The following F10 variants were observed in gnomAD, a reference collection of about 807,000 sequenced individuals.
F10 encodes Stuart-Prower factor.
F10 carries 29 observed loss-of-function variants against 37.1 expected under a neutral mutation model. The observed-to-expected ratio is 0.78, with a 90% confidence interval of 0.58 to 1.07. The LOEUF (loss-of-function observed/expected upper bound fraction) is 1.07, where lower values mean the gene tolerates loss of function less well. F10 is among the 50% of genes least tolerant of loss of function. F10 has a pLI of 0.00. For missense variants in F10, 539 were observed against 667.9 expected, an observed-to-expected ratio of 0.81 and a Z score of 2.13; for synonymous variants, 262 against 268.6, an observed-to-expected ratio of 0.98 and a Z score of 0.24.
At chr13:113,137,270 A>G (rs1181487481) in intron 2 of F10, among the ~76,000 whole-genome samples, 1 of 152,178 alleles carries the variant, frequency 6.6e-6, no homozygotes, top group Non-Finnish European at 1.5e-5. Context: ...AAACACTTTC[A>G]TTTACATGAC....
Position 113,139,433 on chromosome 13 carries a change from C to A in F10, c.333C>A (p.Thr111=), listed in dbSNP as rs1247035945. The change falls in exon 4 of 8, where the codon ACC becomes ACA. Residue 111 remains threonine, a synonymous_variant. Coordinates refer to ENST00000375559, the MANE Select transcript of F10 (RefSeq NM_000504.4). This position sits in a 1 kb window ranked among gnomAD's most constrained non-coding sequence, Gnocchi z 5.2. ...ACGGCCTCGGGGAATACACCTGCAC[C>A]TGTTTAGAAGGATTCGAAGGCAAAA... ...CKDGLGEYTC[T]CLEGFEGKNC... 2 of 1,613,940 alleles carry A rather than the reference C, an allele frequency of 1.2e-6. No individual in the cohort carries two copies. Among genetic ancestry groups the A allele is most frequent in the Middle Eastern group, 1.7e-4 (1 of 6,058 alleles).
At position 113,149,030 on chromosome 13, in the gene F10, G is replaced by A. The variant is rs773609385; in HGVS notation, c.980G>A (p.Arg327Gln). 1.7e-5 allele frequency: 27 copies of A among 1,613,300 alleles called. No individual in the cohort carries two copies. Among genetic ancestry groups the A allele is most frequent in the Admixed American group, 1.7e-4 (10 of 59,984 alleles). Residue 327 changes from arginine to glutamine, a missense_variant, in exon 8 of 8, where the codon CGG becomes CAG. Around this residue, in one of 2 missense-constraint regions of F10, gnomAD observed 409 missense variants for 547.9 expected, o/e 0.75. Transcript: ENST00000375559. This position sits in a 1 kb window ranked among gnomAD's most constrained non-coding sequence, Gnocchi z 7.5. ...ETYDFDIAVL[R>Q]LKTPITFRMN... is the part of the protein sequence containing the mutation. ...TATGACTTCGACATCGCCGTGCTCC[G>A]GCTCAAGACCCCCATCACCTTCCGC...
At chr13:113,145,455 A>C (rs1487099110) in intron 6 of F10, among the ~76,000 whole-genome samples, 4 of 151,906 alleles carry the variant, frequency 2.6e-5, no homozygotes, top group Non-Finnish European at 5.9e-5. Context: ...TTTCAATTAA[A>C]TTTCAATTTC....
intron 2 of F10, among the ~76,000 whole-genome samples, chr13:113,137,299 T>A (rs1158717960): frequency 6.6e-6 from 1 of 152,092 alleles, no homozygotes; most frequent in Non-Finnish European, 1.5e-5. Flanking sequence ...TAGGTTGTTA[T>A]CATTGTGATA....
intron 1 of F10, 42 bp from the exon 2 acceptor site, chr13:113,129,410 A>AAGAGGAGCCT (rs2036404243): frequency 1.2e-6 from 2 of 1,612,150 alleles, no homozygotes; most frequent in Non-Finnish European, 1.7e-6. Context: ...AGCCTGGGTG[A>AAGAGGAGCCT]GGGTGACCAG....
chr13:113,149,219 G>A lies in F10; in HGVS notation c.1169G>A (p.Cys390Tyr). Reference protein sequence around the residue: ...LEVPYVDRNSCKLSSSFIITQ... With the variant: ...LEVPYVDRNSYKLSSSFIITQ... ...GTGCCCTACGTGGACCGCAACAGCT[G>A]CAAGCTGTCCAGCAGCTTCATCATC... The change falls in exon 8 of 8, where the codon TGC (cysteine) becomes TAC (tyrosine). Residue 390 changes from cysteine (C) to tyrosine (Y), a missense_variant. Transcript: ENST00000375559. This position sits in a 1 kb window ranked among gnomAD's most constrained non-coding sequence, Gnocchi z 7.5. 2 of 1,613,130 alleles carry A rather than the reference G, an allele frequency of 1.2e-6. No homozygotes were observed. The highest frequency in any genetic ancestry group is 1.7e-6 in the Non-Finnish European group (2 of 1,180,032).
At chr13:113,148,030 T>G (rs9604032) in intron 7 of F10, among the ~76,000 whole-genome samples, 3,788 of 152,256 alleles carry the variant, frequency 0.025, 144 homozygotes, top group African/African-American at 0.086. Flanking sequence ...ATTATACATT[T>G]TAAAATATAA....
At position 113,143,040 on chromosome 13, in the gene F10, C is replaced by A. The variant is rs892855177; in HGVS notation, c.503-811C>A. 3.9e-5 allele frequency among the ~76,000 whole-genome samples: 6 copies of A among 152,156 alleles called. No homozygotes were observed. Among genetic ancestry groups the A allele is most frequent in the African/African-American group, 1.4e-4 (6 of 41,458 alleles). On this transcript the variant is annotated intron_variant, in intron 5 of 7. Coordinates refer to ENST00000375559, the MANE Select transcript of F10 (RefSeq NM_000504.4). The surrounding 1 kb of genome is among the most constrained non-coding windows in gnomAD (Gnocchi z 6.8). The stretch of plus-strand genomic sequence containing the variant: ...AGGCACGGCGGGGTGGAGGCCCCTG[C>A]GGCTGGCAGATTCACCGGAGCCTCC...
At chr13:113,135,684 T>C (rs1034280559) in intron 2 of F10, among the ~76,000 whole-genome samples, 1 of 152,218 alleles carries the variant, frequency 6.6e-6, no homozygotes. Flanking sequence ...TTGGAACAAT[T>C]ATATATTTAT....
chr13:113,140,594 T>C (rs2138543110), intron 4 of F10: 1 of 554,646 alleles, frequency 1.8e-6, no homozygotes, highest in Non-Finnish European at 3.5e-6. Flanking sequence ...CTGTGATTAC[T>C]TTTTCATCAA....
In F10 at chr13:113,141,032, A is replaced by G. The variant is rs1269919778; in HGVS notation, c.484A>G (p.Lys162Glu). 1.2e-6 allele frequency: 2 copies of G among 1,613,822 alleles called. No homozygotes were observed. The highest frequency in any genetic ancestry group is 1.7e-5 in the Admixed American group (1 of 60,016). Residue 162 changes from lysine to glutamate, a missense_variant, in exon 5 of 8, where the codon AAG (lysine) becomes GAG (glutamate). Transcript: ENST00000375559. This position sits in a 1 kb window ranked among gnomAD's most constrained non-coding sequence, Gnocchi z 5.4. ...ARGYTLADNG[K>E]ACIPTGPYPC... ...CGGGTACACCCTGGCTGACAACGGC[A>G]AGGCCTGCATTCCCACAGGTAGGAG...
At position 113,141,618 on chromosome 13, in the gene F10, G is replaced by C. The variant is rs1425288313; in HGVS notation, c.502+568G>C. Among the ~76,000 whole-genome samples the C allele has an allele frequency of 1.3e-5, 2 of 152,202 alleles. No individual in the cohort carries two copies. Among genetic ancestry groups the C allele is most frequent in the Non-Finnish European group, 2.9e-5 (2 of 68,026 alleles). Reference sequence around the variant, plus strand: ...GAGGGCAGTGAGCACAGGACAGGCAGGGGACTGGGCAGGGTGGGGACGAGC... The same window carrying C: ...GAGGGCAGTGAGCACAGGACAGGCACGGGACTGGGCAGGGTGGGGACGAGC... On this transcript the variant is annotated intron_variant, in intron 5 of 7. Coordinates refer to ENST00000375559, the MANE Select transcript of F10 (RefSeq NM_000504.4). This position sits in a 1 kb window ranked among gnomAD's most constrained non-coding sequence, Gnocchi z 5.4.
chr13:113,136,943 C>G lies in F10; in HGVS notation c.232-1514C>G, dbSNP rs375197700. ...GGGATTACAGGCGTGAGCCACCGCG[C>G]CCGGCCAATTCTTGTACTTTTAGTA... On this transcript the variant is annotated intron_variant, in intron 2 of 7. Coordinates refer to ENST00000375559, the MANE Select transcript of F10 (RefSeq NM_000504.4). 2.5e-4 allele frequency among the ~76,000 whole-genome samples: 2 copies of G among 8,124 alleles called. 1 individual carries two copies. 5.3% of individuals were successfully genotyped at this position (8,124 alleles called of 152,430 possible). A position where few individuals can be genotyped will look rare whatever the true frequency, so the allele number is the denominator to read the frequency against.
intron 1 of F10, chr13:113,129,001 C>T (rs2036398356): frequency 4.8e-6 from 1 of 206,386 alleles, no homozygotes; most frequent in South Asian, 8.2e-5. Context: ...TTTGCAGGGC[C>T]ATTTCAAAAT....
chr13:113,133,325 A>C (rs1459558267), intron 2 of F10, among the ~76,000 whole-genome samples: 1 of 152,188 alleles, frequency 6.6e-6, no homozygotes, highest in Non-Finnish European at 1.5e-5. Context: ...ACAAACAAAA[A>C]CAAGAAAAAG....
chr13:113,122,981 G>A (rs142098501), intron 1 of F10, 56 bp downstream of exon 1: 12 of 1,574,742 alleles, frequency 7.6e-6, no homozygotes, highest in East Asian at 2.3e-5. Flanking sequence ...AGGGAGGGGC[G>A]GCAGTTGGGG....
At chr13:113,138,047 A>G (rs185232120) in intron 2 of F10, among the ~76,000 whole-genome samples, 1 of 152,354 alleles carries the variant, frequency 6.6e-6, no homozygotes, top group East Asian at 1.9e-4. Context: ...TAAACTAATC[A>G]GCAATGAATA....
Position 113,143,127 on chromosome 13 carries a change from G to A in F10, c.503-724G>A, listed in dbSNP as rs957431501. 1.3e-5 allele frequency among the ~76,000 whole-genome samples: 2 copies of A among 151,970 alleles called. No homozygotes were observed. The highest frequency in any genetic ancestry group is 2.9e-5 in the Non-Finnish European group (2 of 67,992). Reference sequence around the variant, plus strand: ...GCTGTGCCCATCTGACCCCAGACACGTGTGGCCACAGAGAAGCCCCTTGCC... The same window carrying A: ...GCTGTGCCCATCTGACCCCAGACACATGTGGCCACAGAGAAGCCCCTTGCC... On this transcript the variant is annotated intron_variant, in intron 5 of 7. Coordinates refer to ENST00000375559, the MANE Select transcript of F10 (RefSeq NM_000504.4). The surrounding 1 kb of genome is among the most constrained non-coding windows in gnomAD (Gnocchi z 6.8).
chr13:113,132,763 G>A (rs1215044714), intron 2 of F10, among the ~76,000 whole-genome samples: 5 of 152,148 alleles, frequency 3.3e-5, no homozygotes, highest in African/African-American at 1.2e-4. Context: ...TGAATCTAAT[G>A]GACATTTATA....
Sources: allele counts gnomAD v4.1 joint callset (sites outside exome capture counted in the v4.1 genomes callset), GRCh38; gene constraint gnomAD v4.1.1; regional missense constraint gnomAD v4.1.1; non-coding constraint Gnocchi (gnomAD v3.1); transcripts MANE v1.5; gene names NCBI Gene and HGNC (gene_info 2026-07-23, HGNC 2026-07-21).